Variants in AGAP1 observed in about 807,000 individuals in gnomAD.
AGAP1 encodes ArfGAP with GTPase domain, ankyrin repeat and PH domain 1, also known as arf-GAP with GTPase, ANK repeat and PH domain-containing protein 1.
Under a neutral mutation model 105.3 loss-of-function variants are expected in AGAP1, and 29 were observed. The ratio of observed to expected loss-of-function variants is 0.28; its 90% CI spans 0.21 to 0.38. AGAP1 has a LOEUF of 0.38. AGAP1 is among the 10% of genes least tolerant of loss of function. AGAP1 has a pLI of 1.00. For synonymous variants in AGAP1, 509 were observed against 485.9 expected (o/e 1.05, Z -0.63); for missense variants, 998 against 1,165.1 (o/e 0.86, Z 2.09).
chr2:235,667,681 C>CTT (rs1188057850), intron 1 of AGAP1, among the ~76,000 whole-genome samples: 17 of 152,164 alleles, frequency 1.1e-4, no homozygotes, highest in African/African-American at 4.1e-4. Flanking sequence ...GCTTCTTTAG[C>CTT]CTGGCGTGGT....
intron 11 of AGAP1, among the ~76,000 whole-genome samples, chr2:235,909,505 A>G (rs1037769816): frequency 1.3e-5 from 2 of 152,156 alleles, no homozygotes; most frequent in Non-Finnish European, 2.9e-5. Context: ...ATCCAAAATG[A>G]CATTGTTCAT....
At position 236,089,244 on chromosome 2, in the gene AGAP1, G is replaced by A. The variant is rs1222291036; in HGVS notation, c.2115-30948G>A. On this transcript the variant is annotated intron_variant, in intron 16 of 17. Coordinates refer to ENST00000304032, the MANE Select transcript of AGAP1 (RefSeq NM_001037131.3). This position sits in a 1 kb window ranked among gnomAD's most constrained non-coding sequence, Gnocchi z 5.6. ...TTATTTCCCCAAGAAAAAATAAAAAGTTAAAGTCAGTCTAGTCAATTGCTT... is the reference window on the plus strand; with the variant it reads ...TTATTTCCCCAAGAAAAAATAAAAAATTAAAGTCAGTCTAGTCAATTGCTT... Among the ~76,000 whole-genome samples, 1 of 152,332 alleles carries A rather than the reference G, an allele frequency of 6.6e-6. No homozygotes were observed. Among genetic ancestry groups the A allele is most frequent in the Non-Finnish European group, 1.5e-5 (1 of 68,028 alleles).
intron 1 of AGAP1, among the ~76,000 whole-genome samples, chr2:235,703,873 G>A (rs1193458919): frequency 6.6e-6 from 1 of 152,066 alleles, no homozygotes; most frequent in East Asian, 1.9e-4. Context: ...CTGACCTCAG[G>A]TGATCTGCCT....
rs183790767 is a variant in AGAP1, at chr2:235,733,059, A to G, written c.311-7904A>G. The stretch of plus-strand genomic sequence containing the variant: ...TTGGAGGGAGCTGCCTCCCGTTGAA[A>G]GAGTCTGCCCTTCTTTAGGGACCAG... On this transcript the variant is annotated intron_variant, in intron 3 of 17. Transcript: ENST00000304032. The surrounding 1 kb of genome is among the most constrained non-coding windows in gnomAD (Gnocchi z 5.0). 1.5e-3 allele frequency among the ~76,000 whole-genome samples: 226 copies of G among 152,316 alleles called. 1 individual carries two copies. The highest frequency in any genetic ancestry group is 4.8e-3 in the African/African-American group (199 of 41,572).
At chr2:235,998,885 G>T (rs2055938700) in intron 13 of AGAP1, among the ~76,000 whole-genome samples, 1 of 151,700 alleles carries the variant, frequency 6.6e-6, no homozygotes, top group South Asian at 2.1e-4. Context: ...TGGTGGTGGT[G>T]GTGGTGGTAG....
chr2:235,597,387 T>G (rs936000373), intron 1 of AGAP1, among the ~76,000 whole-genome samples: 2 of 152,208 alleles, frequency 1.3e-5, no homozygotes, highest in African/African-American at 4.8e-5. Flanking sequence ...ATGCAAGGCC[T>G]TGGCCCCTCC....
chr2:235,512,786 T>C (rs539410579), intron 1 of AGAP1, among the ~76,000 whole-genome samples: 8 of 152,210 alleles, frequency 5.3e-5, no homozygotes, highest in Non-Finnish European at 7.3e-5. Flanking sequence ...CTCCTGACCA[T>C]GTAACCTTTG....
rs752112138 is a variant in AGAP1, at chr2:235,964,386, A to G, written c.1484-4076A>G. Among the ~76,000 whole-genome samples, 1 of 152,186 alleles carries G rather than the reference A, an allele frequency of 6.6e-6. No homozygotes were observed. The highest frequency in any genetic ancestry group is 1.5e-5 in the Non-Finnish European group (1 of 68,036). ...GGTTGAGCTCTCTGAGGGCAAAGAC[A>G]GTCACAGTGACCATTGTTTCCCATG... On this transcript the variant is annotated intron_variant, in intron 12 of 17. Coordinates refer to ENST00000304032, the MANE Select transcript of AGAP1 (RefSeq NM_001037131.3). The surrounding 1 kb of genome is among the most constrained non-coding windows in gnomAD (Gnocchi z 4.6).
chr2:236,078,614 T>C lies in AGAP1; in HGVS notation c.2114+29333T>C, dbSNP rs571234778. Among the ~76,000 whole-genome samples the C allele has an allele frequency of 6.6e-6, 1 of 152,296 alleles. No homozygotes were observed. The highest frequency in any genetic ancestry group is 2.1e-4 in the South Asian group (1 of 4,828). ...AAAACGTAATCTCCCTAGATAAGTA[T>C]TACCACTGAACCACCTGCTGAGCAG... On this transcript the variant is annotated intron_variant, in intron 16 of 17. Coordinates refer to ENST00000304032, the MANE Select transcript of AGAP1 (RefSeq NM_001037131.3). This position sits in a 1 kb window ranked among gnomAD's most constrained non-coding sequence, Gnocchi z 5.3.
intron 6 of AGAP1, among the ~76,000 whole-genome samples, chr2:235,765,433 G>A (rs1052325274): frequency 2.6e-5 from 4 of 152,096 alleles, no homozygotes; most frequent in African/African-American, 9.7e-5. Flanking sequence ...ACATGTGCCT[G>A]CACTTTTTAG....
At chr2:235,823,061 TTTCA>T (rs1177846053) in intron 9 of AGAP1, among the ~76,000 whole-genome samples, 1 of 152,152 alleles carries the variant, frequency 6.6e-6, no homozygotes, top group African/African-American at 2.4e-5. Flanking sequence ...CATCTCGTAA[TTTCA>T]TTCATGAAGG....
Position 236,095,030 on chromosome 2 carries a change from T to C in AGAP1, c.2115-25162T>C, listed in dbSNP as rs968234854. On this transcript the variant is annotated intron_variant, in intron 16 of 17. Coordinates refer to ENST00000304032, the MANE Select transcript of AGAP1 (RefSeq NM_001037131.3). The surrounding 1 kb of genome is among the most constrained non-coding windows in gnomAD (Gnocchi z 4.1). Reference sequence around the variant, plus strand: ...GGGAGGATCACTTGAGCCCGGGAGGTCCAGGCTGCAGTGAGCCCTGATCAA... The same window carrying C: ...GGGAGGATCACTTGAGCCCGGGAGGCCCAGGCTGCAGTGAGCCCTGATCAA... Among the ~76,000 whole-genome samples the C allele has an allele frequency of 1.3e-5, 2 of 148,900 alleles. No individual in the cohort carries two copies. Among genetic ancestry groups the C allele is most frequent in the Admixed American group, 1.4e-4 (2 of 14,798 alleles).
chr2:235,902,101 T>C (rs1179574503), intron 10 of AGAP1, among the ~76,000 whole-genome samples: 1 of 152,232 alleles, frequency 6.6e-6, no homozygotes, highest in Non-Finnish European at 1.5e-5. Flanking sequence ...TTTATATTTT[T>C]TTAGGTCTCT....
At chr2:236,007,246 T>C (rs1353282039) in intron 13 of AGAP1, among the ~76,000 whole-genome samples, 1 of 152,254 alleles carries the variant, frequency 6.6e-6, no homozygotes, top group Non-Finnish European at 1.5e-5. Context: ...CTTTTGGGAA[T>C]TTCCAGAGAA....
At chr2:236,108,778 C>T (rs113304796) in intron 16 of AGAP1, among the ~76,000 whole-genome samples, 2 of 152,052 alleles carry the variant, frequency 1.3e-5, no homozygotes, top group Non-Finnish European at 2.9e-5. Flanking sequence ...TACAGCCCCC[C>T]AGAGCGCCCC....
intron 2 of AGAP1, among the ~76,000 whole-genome samples, chr2:235,713,521 G>T (rs1456091174): frequency 6.6e-6 from 1 of 152,224 alleles, no homozygotes; most frequent in Non-Finnish European, 1.5e-5. Flanking sequence ...ATTACGCAGG[G>T]ATTCAGAGAA....
chr2:235,518,855 G>A (rs564332039), intron 1 of AGAP1, among the ~76,000 whole-genome samples: 7 of 152,262 alleles, frequency 4.6e-5, no homozygotes, highest in African/African-American at 1.4e-4. Context: ...CTTGCCTCGC[G>A]GGTGCACTTC....
intron 13 of AGAP1, among the ~76,000 whole-genome samples, chr2:236,030,989 T>A (rs2057205065): frequency 6.6e-6 from 1 of 152,184 alleles, no homozygotes; most frequent in South Asian, 2.1e-4. Context: ...TAGAATAGCA[T>A]TGTAATCATT....
intron 1 of AGAP1, among the ~76,000 whole-genome samples, chr2:235,634,904 T>A (rs1366007390): frequency 6.6e-6 from 1 of 152,112 alleles, no homozygotes; most frequent in Non-Finnish European, 1.5e-5. Flanking sequence ...GATGTGTTTG[T>A]TCCATGTACG....
Sources: allele counts gnomAD v4.1 joint callset (sites outside exome capture counted in the v4.1 genomes callset), GRCh38; gene constraint gnomAD v4.1.1; non-coding constraint Gnocchi (gnomAD v3.1); transcripts MANE v1.5; gene names NCBI Gene and HGNC (gene_info 2026-07-23, HGNC 2026-07-21).